LIN28B: variants seen among roughly 807,000 people sequenced by gnomAD.
The protein encoded by LIN28B is lin-28 RNA binding posttranscriptional regulator B, also known as protein lin-28 homolog B.
LIN28B carries 5 observed loss-of-function variants against 21.9 expected under a neutral mutation model. That is an observed-to-expected ratio of 0.23 (90% CI 0.12 to 0.48). The LOEUF is 0.48. Ranked by LOEUF, LIN28B falls within the 20% of genes least tolerant of loss-of-function variation. The pLI, the probability that LIN28B is intolerant of heterozygous loss-of-function variation, is 0.98. For missense variants in LIN28B, 245 were observed against 310.5 expected, an observed-to-expected ratio of 0.79 and a Z score of 1.58; for synonymous variants, 109 against 111.3, an observed-to-expected ratio of 0.98 and a Z score of 0.13.
Position 104,957,240 on chromosome 6 carries a change from C to G in LIN28B, c.-11C>G. The G allele has an allele frequency of 5.0e-6, 8 of 1,612,698 alleles. No homozygotes were observed. Among genetic ancestry groups the G allele is most frequent in the Non-Finnish European group, 5.9e-6 (7 of 1,179,046 alleles). The stretch of plus-strand genomic sequence containing the variant: ...TCTCACGAGTTTGGAGCTGAGGGCC[C>G]GTGGGGCAACATGGCCGAAGGTTAA... On this transcript the variant is annotated 5_prime_UTR_variant, in exon 1 of 4. Transcript: ENST00000345080.
At chr6:104,966,510 G>T in intron 2 of LIN28B, among the ~76,000 whole-genome samples, 1 of 151,842 alleles carries the variant, frequency 6.6e-6, no homozygotes, top group East Asian at 1.9e-4. Flanking sequence ...CTGGAGTGCA[G>T]TGGTGGGATC....
upstream of LIN28B, among the ~76,000 whole-genome samples, chr6:104,953,841 G>GCC (rs1383500918): frequency 6.6e-6 from 1 of 152,108 alleles, no homozygotes; most frequent in Non-Finnish European, 1.5e-5. Flanking sequence ...CATTGCCACA[G>GCC]CCCCTCCTCC....
chr6:104,959,085 T>A (rs1468384703), intron 2 of LIN28B, among the ~76,000 whole-genome samples: 1 of 152,208 alleles, frequency 6.6e-6, no homozygotes, highest in Non-Finnish European at 1.5e-5. Flanking sequence ...CAGAATTTCA[T>A]TGCTTCCCAT....
At chr6:105,023,534 A>ATTTTATATATTTT (rs1220987113) in intron 2 of LIN28B, among the ~76,000 whole-genome samples, 1 of 192 alleles carries the variant, frequency 5.2e-3, no homozygotes, top group African/African-American at 8.6e-3. Context: ...TATATTATAT[A>ATTTTATATATTTT]ATATATATAA....
intron 3 of LIN28B, among the ~76,000 whole-genome samples, chr6:105,062,508 TC>T (rs1772141114): frequency 6.6e-6 from 1 of 152,200 alleles, no homozygotes; most frequent in Admixed American, 6.5e-5. Flanking sequence ...AATATATAAA[TC>T]AAATCCTGCT....
chr6:104,942,948 T>A lies in LIN28B; in HGVS notation c.18+5832T>A, dbSNP rs1157584763. On this transcript the variant is annotated intron_variant, in intron 2 of 5. Coordinates refer to the LIN28B transcript ENST00000635857. ...AAATGATTCAATAATTATATTCTCA[T>A]TAATCCTTGTCAGACTGTATGGTGT... Among the ~76,000 whole-genome samples the A allele has an allele frequency of 2.6e-5, 4 of 152,178 alleles. No homozygotes were observed. In the East Asian group the frequency reaches 7.7e-4, roughly 29 times the overall value.
intron 3 of LIN28B, among the ~76,000 whole-genome samples, chr6:105,066,764 T>G (rs1029885101): frequency 2.0e-5 from 3 of 152,046 alleles, no homozygotes; most frequent in Admixed American, 1.3e-4. Context: ...ATTCTTCTTT[T>G]AAAATTTCTT....
exon 2 of LIN28B, chr6:104,937,066 T>TCAA (rs951962478): frequency 6.6e-6 from 1 of 151,592 alleles, no homozygotes; most frequent in African/African-American, 2.4e-5. Context: ...ATTCGCCACG[T>TCAA]CAACCTCTGA....
At chr6:104,977,347 C>G (rs1434005229) in intron 2 of LIN28B, among the ~76,000 whole-genome samples, 1 of 152,120 alleles carries the variant, frequency 6.6e-6, no homozygotes, top group Non-Finnish European at 1.5e-5. Context: ...GAACCTCGCC[C>G]CAAAGTCAGA....
intron 3 of LIN28B, among the ~76,000 whole-genome samples, chr6:105,076,423 GA>G (rs1772425761): frequency 6.6e-6 from 1 of 152,104 alleles, no homozygotes; most frequent in South Asian, 2.1e-4. Flanking sequence ...TTTATGCCAG[GA>G]GATAAAATAC....
At chr6:104,989,313 G>A (rs191620807) in intron 2 of LIN28B, among the ~76,000 whole-genome samples, 2 of 152,198 alleles carry the variant, frequency 1.3e-5, no homozygotes, top group Non-Finnish European at 2.9e-5. Flanking sequence ...TCCACCTCTT[G>A]GTTGAAGTGA....
intron 2 of LIN28B, among the ~76,000 whole-genome samples, chr6:105,015,581 A>G (rs982114644): frequency 6.6e-6 from 1 of 152,088 alleles, no homozygotes; most frequent in Non-Finnish European, 1.5e-5. Flanking sequence ...TCTTCTGTTT[A>G]TCTCATTTCT....
At chr6:104,947,989 A>G (rs150461768) in intron 2 of LIN28B, among the ~76,000 whole-genome samples, 24 of 152,282 alleles carry the variant, frequency 1.6e-4, no homozygotes, top group African/African-American at 4.1e-4. Flanking sequence ...ACACTATTAC[A>G]TGGTAGAGAC....
chr6:105,024,200 C>T (rs1771237841), intron 2 of LIN28B, among the ~76,000 whole-genome samples: 1 of 152,104 alleles, frequency 6.6e-6, no homozygotes, highest in Admixed American at 6.5e-5. Context: ...CCACGTTGGC[C>T]AGGCTGGTCT....
chr6:105,003,901 G>A (rs1193722917), intron 2 of LIN28B, among the ~76,000 whole-genome samples: 1 of 152,140 alleles, frequency 6.6e-6, no homozygotes, highest in Non-Finnish European at 1.5e-5. Flanking sequence ...GGGTTCTCTA[G>A]AGGGACAACA....
At chr6:105,077,949 T>G (rs1031663484) in intron 3 of LIN28B, among the ~76,000 whole-genome samples, 7 of 152,240 alleles carry the variant, frequency 4.6e-5, no homozygotes, top group African/African-American at 1.7e-4. Context: ...ACTTTTAAAT[T>G]TGGTCTAAAA....
intron 2 of LIN28B, among the ~76,000 whole-genome samples, chr6:104,976,715 T>C (rs1440619179): frequency 1.3e-5 from 2 of 152,122 alleles, no homozygotes; most frequent in Admixed American, 6.6e-5. Flanking sequence ...GCATTTCATA[T>C]TGTAAATGAG....
chr6:104,970,463 A>G (rs1024711368), intron 2 of LIN28B, among the ~76,000 whole-genome samples: 1 of 152,184 alleles, frequency 6.6e-6, no homozygotes, highest in African/African-American at 2.4e-5. Flanking sequence ...TAAAACTTTG[A>G]GAAAATATTT....
intron 2 of LIN28B, among the ~76,000 whole-genome samples, chr6:104,969,427 C>T (rs1769929086): frequency 6.6e-6 from 1 of 152,008 alleles, no homozygotes. Flanking sequence ...GCTTTCTGCT[C>T]TGGGAAACAA....
Sources: allele counts gnomAD v4.1 joint callset (sites outside exome capture counted in the v4.1 genomes callset), GRCh38; gene constraint gnomAD v4.1.1; transcripts MANE v1.5; gene names NCBI Gene and HGNC (gene_info 2026-07-23, HGNC 2026-07-21).